Variants in IL1RAPL2 observed in about 807,000 individuals in gnomAD.
The protein encoded by IL1RAPL2 is X-linked interleukin-1 receptor accessory protein-like 2.
In IL1RAPL2, 3 loss-of-function variants were observed where a neutral mutation model predicts 44.1. That is an observed-to-expected ratio of 0.07 (90% CI 0.03 to 0.18). IL1RAPL2 has a LOEUF of 0.18. Among genes scored for constraint, IL1RAPL2 ranks in the 10% least tolerant of loss-of-function variants. The pLI, the probability that IL1RAPL2 is intolerant of heterozygous loss-of-function variation, is 1.00. For missense variants in IL1RAPL2, 391 were observed against 496.4 expected (o/e 0.79, Z 2.02); for synonymous variants, 181 against 178.8 (o/e 1.01, Z -0.10).
chrX:104,655,604 T>C (rs1930239731), intron 1 of IL1RAPL2, among the ~76,000 whole-genome samples: 1 of 112,061 alleles, frequency 8.9e-6, no homozygotes, highest in South Asian at 3.7e-4. Flanking sequence ...CACATTAATG[T>C]TCATCAGGGA....
intron 1 of IL1RAPL2, among the ~76,000 whole-genome samples, chrX:104,611,254 C>A (rs1350791639): frequency 1.8e-5 from 2 of 111,189 alleles, no homozygotes; most frequent in Non-Finnish European, 3.8e-5. Flanking sequence ...GAAGCTGTGC[C>A]CACAGAGCAC....
intron 5 of IL1RAPL2, among the ~76,000 whole-genome samples, chrX:105,414,523 ATCTGGCT>A (rs1385344693): frequency 8.9e-6 from 1 of 112,038 alleles, no homozygotes; most frequent in East Asian, 2.8e-4. Flanking sequence ...ATCTTGCATC[ATCTGGCT>A]TCTGGTACCT....
intron 2 of IL1RAPL2, among the ~76,000 whole-genome samples, chrX:104,917,561 T>A (rs1409738934): frequency 1.8e-5 from 2 of 111,676 alleles, no homozygotes; most frequent in Non-Finnish European, 3.8e-5. Context: ...GTCACTAACA[T>A]GCAGGAATGG....
chrX:105,440,578 C>T (rs1167145812), intron 5 of IL1RAPL2, among the ~76,000 whole-genome samples: 1 of 112,014 alleles, frequency 8.9e-6, no homozygotes, highest in Non-Finnish European at 1.9e-5. Context: ...CTAACAGTAA[C>T]TTAAGTGGTT....
chrX:105,221,108 C>A (rs1286202215), intron 3 of IL1RAPL2, among the ~76,000 whole-genome samples: 1 of 111,783 alleles, frequency 8.9e-6, no homozygotes, highest in Non-Finnish European at 1.9e-5. Flanking sequence ...CTGAAACGGG[C>A]AAGATAGCAG....
intron 2 of IL1RAPL2, among the ~76,000 whole-genome samples, chrX:105,104,408 T>TA (rs755555990): frequency 8.9e-6 from 1 of 111,757 alleles, no homozygotes; most frequent in South Asian, 3.7e-4. Flanking sequence ...AAATTAAATT[T>TA]AAAAAACATA....
At chrX:105,079,535 CT>C (rs1265645919) in intron 2 of IL1RAPL2, among the ~76,000 whole-genome samples, 1 of 109,304 alleles carries the variant, frequency 9.1e-6, no homozygotes, top group Non-Finnish European at 1.9e-5. Context: ...TGAACTCATC[CT>C]TTTTTATGGC....
intron 2 of IL1RAPL2, among the ~76,000 whole-genome samples, chrX:104,947,770 G>A (rs991324282): frequency 6.3e-5 from 7 of 111,805 alleles, no homozygotes; most frequent in African/African-American, 1.3e-4. Context: ...TGTTCCATTG[G>A]TCTATATCTC....
At chrX:104,683,409 A>T (rs970120134) in intron 2 of IL1RAPL2, among the ~76,000 whole-genome samples, 1 of 111,823 alleles carries the variant, frequency 8.9e-6, no homozygotes, top group Non-Finnish European at 1.9e-5. Flanking sequence ...TCTTCTGTGC[A>T]TTCCTAGGGG....
intron 2 of IL1RAPL2, among the ~76,000 whole-genome samples, chrX:104,940,079 A>C (rs1011566030): frequency 8.9e-6 from 1 of 111,868 alleles, no homozygotes; most frequent in African/African-American, 3.2e-5. Flanking sequence ...TTTAAAATGT[A>C]TTAGTTGTAT....
intron 5 of IL1RAPL2, among the ~76,000 whole-genome samples, chrX:105,440,933 A>G (rs780310576): frequency 8.9e-6 from 1 of 111,813 alleles, no homozygotes; most frequent in South Asian, 3.7e-4. Context: ...GTCTACCACC[A>G]TGTAAGATGT....
chrX:105,048,037 G>C (rs1275976286), intron 2 of IL1RAPL2, among the ~76,000 whole-genome samples: 3 of 111,589 alleles, frequency 2.7e-5, no homozygotes, highest in Non-Finnish European at 5.6e-5. Context: ...ACTGAGACCA[G>C]TGCGAATGCA....
At chrX:104,949,107 G>C (rs1004120614) in intron 2 of IL1RAPL2, among the ~76,000 whole-genome samples, 1 of 110,967 alleles carries the variant, frequency 9.0e-6, no homozygotes, top group African/African-American at 3.3e-5. Context: ...CCTGTTATTG[G>C]TCTATTCAGA....
In IL1RAPL2 at chrX:104,995,197, C is replaced by T. The variant is rs187968650; in HGVS notation, c.83-200278C>T. Reference sequence around the variant, plus strand: ...CTTACCTACTCTTTGTTTCTAGTTACTCTTTGTTTCTAGGTACTTTTATTC... The same window carrying T: ...CTTACCTACTCTTTGTTTCTAGTTATTCTTTGTTTCTAGGTACTTTTATTC... On this transcript the variant is annotated intron_variant, in intron 2 of 10. Coordinates refer to ENST00000372582, the MANE Select transcript of IL1RAPL2 (RefSeq NM_017416.2). Among the ~76,000 whole-genome samples the T allele has an allele frequency of 2.7e-5, 3 of 111,625 alleles. No homozygotes were observed. The Admixed American group carries it at 2.9e-4, about 11-fold the overall frequency.
intron 2 of IL1RAPL2, among the ~76,000 whole-genome samples, chrX:105,187,776 A>G (rs1446660372): frequency 8.9e-6 from 1 of 111,824 alleles, no homozygotes; most frequent in Non-Finnish European, 1.9e-5. Flanking sequence ...TTTCAGTCGA[A>G]CAGTAGGAAT....
At chrX:105,611,771 T>C (rs915107111) in intron 6 of IL1RAPL2, among the ~76,000 whole-genome samples, 1 of 112,306 alleles carries the variant, frequency 8.9e-6, no homozygotes, top group South Asian at 3.6e-4. Context: ...GTACATGGAA[T>C]CTTGTAGAAT....
At chrX:105,196,410 G>A (rs782157260) in intron 3 of IL1RAPL2, among the ~76,000 whole-genome samples, 55 of 111,516 alleles carry the variant, frequency 4.9e-4, no homozygotes, top group African/African-American at 1.7e-3. Flanking sequence ...TTGATATCTG[G>A]CCACGAAAAT....
chrX:104,847,719 A>T (rs1160865436), intron 2 of IL1RAPL2, among the ~76,000 whole-genome samples: 3 of 111,798 alleles, frequency 2.7e-5, no homozygotes, highest in Non-Finnish European at 5.6e-5. Context: ...GTTTTTTCCA[A>T]TTCTGTGAAG....
intron 2 of IL1RAPL2, among the ~76,000 whole-genome samples, chrX:105,051,652 G>T (rs901684003): frequency 8.8e-6 from 1 of 113,199 alleles, no homozygotes; most frequent in East Asian, 2.8e-4. Flanking sequence ...TGTATCTGGG[G>T]AGCTCCTGCC....
Sources: allele counts gnomAD v4.1 joint callset (sites outside exome capture counted in the v4.1 genomes callset), GRCh38; gene constraint gnomAD v4.1.1; transcripts MANE v1.5; gene names NCBI Gene and HGNC (gene_info 2026-07-23, HGNC 2026-07-21).